ZNFX1: variants seen among roughly 807,000 people sequenced by gnomAD.
ZNFX1 encodes the protein NFX1-type zinc finger-containing protein 1.
ZNFX1 carries 78 observed loss-of-function variants against 179.8 expected under a neutral mutation model. The ratio of observed to expected loss-of-function variants is 0.43; its 90% CI spans 0.36 to 0.52. ZNFX1 has a LOEUF of 0.52. ZNFX1 is among the 20% of genes least tolerant of loss of function. The probability of loss-of-function intolerance (pLI) is 0.00; values close to 1 mark genes in which losing one functional copy is unlikely to be tolerated. For missense variants in ZNFX1, 1,927 were observed against 2,386.6 expected, an observed-to-expected ratio of 0.81 and a Z score of 4.01; for synonymous variants, 848 against 868.5, an observed-to-expected ratio of 0.98 and a Z score of 0.42.
At position 49,271,523 on chromosome 20, in the gene ZNFX1, G is replaced by A; in HGVS notation, c.289C>T (p.His97Tyr). ...HASDEARDQRHDQENDTRWRN... is the reference protein window; with the variant it reads ...HASDEARDQRYDQENDTRWRN... The stretch of plus-strand genomic sequence containing the variant: ...CACCTGGTGTCATTCTCCTGGTCAT[G>A]TCTTTGGTCTCTAGCTTCGTCGCTG... The change falls in exon 3 of 14, where the codon CAT becomes TAT. Residue 97 changes from histidine (H) to tyrosine (Y), a missense_variant. By Grantham distance (83) the His-to-Tyr change is moderately conservative. Coordinates refer to ENST00000396105, the MANE Select transcript of ZNFX1 (RefSeq NM_021035.3). The A allele has an allele frequency of 6.2e-7, 1 of 1,614,166 alleles. No individual in the cohort carries two copies. The highest frequency in any genetic ancestry group is 8.5e-7 in the Non-Finnish European group (1 of 1,180,038).
intron 5 of ZNFX1, among the ~76,000 whole-genome samples, chr20:49,263,779 G>A (rs1257939061): frequency 6.6e-6 from 1 of 152,138 alleles, no homozygotes; most frequent in African/African-American, 2.4e-5. Flanking sequence ...GCAAAACACT[G>A]TCTCTACTAA....
Position 49,248,768 on chromosome 20 carries a change from A to T in ZNFX1, c.4256T>A (p.Val1419Glu). 1 of 1,614,100 alleles carries T rather than the reference A, an allele frequency of 6.2e-7. No homozygotes were observed. The highest frequency in any genetic ancestry group is 8.5e-7 in the Non-Finnish European group (1 of 1,180,048). ...GHSQPVKCGH[V>E]EGLLYGGLLV... The stretch of plus-strand genomic sequence containing the variant: ...CAGACCACCATACAGGAGGCCTTCC[A>T]CATGACCACATTTTACCGGTTGACT... The change falls in exon 14 of 14, where the codon GTG becomes GAG. Residue 1419 changes from valine to glutamate, a missense_variant. Val to Glu is a moderately radical substitution (Grantham distance 121). Coordinates refer to ENST00000396105, the MANE Select transcript of ZNFX1 (RefSeq NM_021035.3). The surrounding 1 kb of genome is among the most constrained non-coding windows in gnomAD (Gnocchi z 4.6).
chr20:49,256,097 T>C, intron 8 of ZNFX1, 150 bp from the exon 9 acceptor site: 1 of 1,002,284 alleles, frequency 1.0e-6, no homozygotes, highest in Non-Finnish European at 1.4e-6. Context: ...TCTTCCACTG[T>C]AGAGTGGCTA....
Position 49,254,534 on chromosome 20 carries a change from T to C in ZNFX1, c.2920A>G (p.Ile974Val), listed in dbSNP as rs748542884. The C allele has an allele frequency of 7.6e-5, 122 of 1,614,084 alleles. No homozygotes were observed. The highest frequency in any genetic ancestry group is 3.3e-4 in the East Asian group (15 of 44,906). The change falls in exon 10 of 14, where the codon ATT becomes GTT. Residue 974 changes from isoleucine (I) to valine (V), a missense_variant. By Grantham distance (29) the Ile-to-Val change is conservative (BLOSUM62 3). Coordinates refer to ENST00000396105, the MANE Select transcript of ZNFX1 (RefSeq NM_021035.3). ...CCTACAACCTGGGCATCTTTAAGAA[T>C]GTGCAGGTCTTCCTGGAGTCTCAGC... ...AELRLQEDLHILKDAQVVGMT... is the reference protein window; with the variant it reads ...AELRLQEDLHVLKDAQVVGMT...
At chr20:49,268,832 A>G (rs1169983548) in intron 3 of ZNFX1, among the ~76,000 whole-genome samples, 3 of 152,206 alleles carry the variant, frequency 2.0e-5, no homozygotes, top group East Asian at 1.9e-4. Context: ...ATTAATAAAC[A>G]GTCAAAAAAA....
intron 7 of ZNFX1, among the ~76,000 whole-genome samples, chr20:49,259,340 T>G (rs1981059372): frequency 6.6e-6 from 1 of 152,282 alleles, no homozygotes; most frequent in South Asian, 2.1e-4. Context: ...GAATTTTATA[T>G]TACTCATTTC....
At chr20:49,250,772 C>A (rs238212) in intron 13 of ZNFX1, among the ~76,000 whole-genome samples, 118,657 of 151,702 alleles carry the variant, frequency 0.78, 46,727 homozygotes, top group Non-Finnish European at 0.84. Context: ...GGCTAGTCTC[C>A]AACTCCTGAC....
chr20:49,248,942 A>G lies in ZNFX1; in HGVS notation c.4082T>C (p.Val1361Ala). ...ATCTGACTCAGGCACGGAACAAGGG[A>G]CCATTTGTTCATGGCCGCACCGAGG... is the stretch of plus-strand genomic sequence containing the variant. ...TIPRCGHEQMVPCSVPESDFC... is the reference protein window; with the variant it reads ...TIPRCGHEQMAPCSVPESDFC... Residue 1361 changes from valine (V) to alanine (A), a missense_variant, in exon 14 of 14, where the codon GTC becomes GCC. Val to Ala is a moderately conservative substitution (Grantham distance 64). Coordinates refer to ENST00000396105, the MANE Select transcript of ZNFX1 (RefSeq NM_021035.3). The surrounding 1 kb of genome is among the most constrained non-coding windows in gnomAD (Gnocchi z 4.6). 6.2e-7 allele frequency: 1 copy of G among 1,614,178 alleles called. No homozygotes were observed. The highest frequency in any genetic ancestry group is 8.5e-7 in the Non-Finnish European group (1 of 1,180,026).
chr20:49,257,288 CA>C lies in ZNFX1; in HGVS notation c.2664+128del, dbSNP rs907463066. 42 of 1,313,394 alleles carry C rather than the reference CA, an allele frequency of 3.2e-5. No homozygotes were observed. In the African/African-American group the frequency reaches 5.4e-4, roughly 17 times the overall value. The allele number at this position is 1,313,394 out of a possible 1,614,324, so 81.4% of individuals were successfully genotyped here. On this transcript the variant is annotated intron_variant, in intron 8 of 13. Transcript: ENST00000396105. The stretch of plus-strand genomic sequence containing the variant: ...GGGAATCACTAAAGCCATCTCATAC[CA>C]GGGGTAGGCTGTAATACAGGTACTT...
At chr20:49,253,169 G>C (rs933896466) in intron 11 of ZNFX1, among the ~76,000 whole-genome samples, 12 of 152,156 alleles carry the variant, frequency 7.9e-5, no homozygotes, top group African/African-American at 2.9e-4. Flanking sequence ...GGGACACCAA[G>C]AGCAAATGGG....
chr20:49,267,880 GT>G (rs11464385), intron 3 of ZNFX1, among the ~76,000 whole-genome samples: 46 of 147,382 alleles, frequency 3.1e-4, no homozygotes, highest in South Asian at 2.2e-4. Flanking sequence ...TAACAGTTTT[GT>G]TTTTTTTTTT....
chr20:49,254,469 A>G (rs1243217752), intron 10 of ZNFX1, 26 bp downstream of exon 10: 2 of 1,610,986 alleles, frequency 1.2e-6, no homozygotes, highest in East Asian at 2.2e-5. Flanking sequence ...TAGATGCAAC[A>G]GGCAAATTTC....
chr20:49,268,835 C>CA (rs1161971442), intron 3 of ZNFX1, among the ~76,000 whole-genome samples: 12 of 151,776 alleles, frequency 7.9e-5, no homozygotes, highest in Non-Finnish European at 1.2e-4. Flanking sequence ...AATAAACAGT[C>CA]AAAAAAAAGT....
Position 49,249,713 on chromosome 20 carries a change from T to C in ZNFX1, c.3313-2A>G. The C allele has an allele frequency of 6.2e-7, 1 of 1,605,882 alleles. No homozygotes were observed. The highest frequency in any genetic ancestry group is 8.5e-7 in the Non-Finnish European group (1 of 1,174,840). ...AAAGAAAAGGTTGGAAGACACCCCC[T>C]GACAGGGAAAAGAAGTGACATGTTA... On this transcript the variant is annotated splice_acceptor_variant, in intron 13 of 13. Coordinates refer to ENST00000396105, the MANE Select transcript of ZNFX1 (RefSeq NM_021035.3). LOFTEE classifies it high-confidence loss of function.
At chr20:49,275,122 CAAAAAAAAAAAATAAAATA>C (rs1165833684) in intron 2 of ZNFX1, among the ~76,000 whole-genome samples, 1 of 145,156 alleles carries the variant, frequency 6.9e-6, no homozygotes, top group African/African-American at 2.6e-5. Context: ...GACTCTGTCT[CAAAAAAAAAAAATAAAATA>C]AAAAATAAAA....
At position 49,271,898 on chromosome 20, in the gene ZNFX1, G is replaced by A. The variant is rs1981416286; in HGVS notation, c.62-148C>T. 3.3e-5 allele frequency: 31 copies of A among 943,862 alleles called. 3 individuals are homozygous for A. The South Asian group carries it at 5.6e-4, about 17-fold the overall frequency. The allele number at this position is 943,862 out of a possible 1,614,324, so 58.5% of individuals were successfully genotyped here. On this transcript the variant is annotated intron_variant, in intron 2 of 13. Transcript: ENST00000396105. ...AAAAACGGTTTCTACCAAGTCATAT[G>A]ATAAATGAAAGATAATTACTGTTGC...
intron 7 of ZNFX1, among the ~76,000 whole-genome samples, 161 bp from the exon 8 acceptor site, chr20:49,257,825 C>A (rs1981009271): frequency 6.6e-6 from 1 of 151,586 alleles, no homozygotes; most frequent in South Asian, 2.1e-4. Flanking sequence ...CCTCAGCCTC[C>A]TGAGTAGCTG....
intron 12 of ZNFX1, 134 bp from the exon 13 acceptor site, chr20:49,251,756 G>C: frequency 1.6e-6 from 1 of 624,512 alleles, no homozygotes. Flanking sequence ...CCATCACTTT[G>C]GGAAGCCAAG....
chr20:49,255,855 G>A lies in ZNFX1; in HGVS notation c.2757C>T (p.Ile919=), dbSNP rs145092573. 3.1e-6 allele frequency: 5 copies of A among 1,614,000 alleles called. No individual in the cohort carries two copies. The highest frequency in any genetic ancestry group is 1.7e-5 in the Admixed American group (1 of 59,984). ...NTMTAAEANE[I]EDVWQLDLSS... ...TGAGGTCCAGCTGCCAAACATCCTC[G>A]ATCTCGTTGGCCTCGGCTGCAGTCA... Residue 919 remains isoleucine (I), a synonymous_variant, in exon 9 of 14, where the codon ATC becomes ATT. Transcript: ENST00000396105.
Sources: allele counts gnomAD v4.1 joint callset (sites outside exome capture counted in the v4.1 genomes callset), GRCh38; gene constraint gnomAD v4.1.1; non-coding constraint Gnocchi (gnomAD v3.1); transcripts MANE v1.5; gene names NCBI Gene and HGNC (gene_info 2026-07-23, HGNC 2026-07-21).